Variants in CD44 observed in about 807,000 individuals in gnomAD.
The protein encoded by CD44 is CD44 antigen.
A neutral mutation model predicts 88.8 loss-of-function variants in CD44; 49 were observed. The observed-to-expected ratio is 0.55, with a 90% CI of 0.44 to 0.70. CD44 has a LOEUF of 0.70. Among genes scored for constraint, CD44 ranks in the 30% least tolerant of loss-of-function variants. The pLI, the probability that CD44 is intolerant of heterozygous loss-of-function variation, is 0.00. For synonymous variants in CD44, 325 were observed against 312.3 expected, an observed-to-expected ratio of 1.04 and a Z score of -0.43; for missense variants, 883 against 913.8, an observed-to-expected ratio of 0.97 and a Z score of 0.43.
intron 16 of CD44, among the ~76,000 whole-genome samples, chr11:35,219,668 G>A (rs922989943): frequency 6.6e-6 from 1 of 152,202 alleles, no homozygotes; most frequent in Non-Finnish European, 1.5e-5. Context: ...AGTTACTAAA[G>A]CTTCCTTCCT....
intron 16 of CD44, among the ~76,000 whole-genome samples, chr11:35,219,641 C>T (rs1949125097): frequency 6.6e-6 from 1 of 152,202 alleles, no homozygotes; most frequent in Admixed American, 6.5e-5. Context: ...TGGCCTGTCC[C>T]AGAGAAGTGC....
intron 13 of CD44, among the ~76,000 whole-genome samples, chr11:35,211,031 A>G (rs982104090): frequency 1.3e-5 from 2 of 152,236 alleles, no homozygotes; most frequent in Non-Finnish European, 2.9e-5. Context: ...CTGGGTATTA[A>G]GATCACCAAA....
At chr11:35,156,972 T>A (rs904392903) in intron 1 of CD44, among the ~76,000 whole-genome samples, 5 of 152,142 alleles carry the variant, frequency 3.3e-5, no homozygotes, top group Admixed American at 1.3e-4. Context: ...AGTTTGAGGT[T>A]ACACTGAGCT....
chr11:35,143,269 T>TA (rs911969589), intron 1 of CD44, among the ~76,000 whole-genome samples: 107 of 151,850 alleles, frequency 7.0e-4, no homozygotes, highest in Non-Finnish European at 1.4e-3. Context: ...ACCAAAGTTT[T>TA]AAAAACCTGA....
intron 5 of CD44, among the ~76,000 whole-genome samples, chr11:35,193,595 C>T (rs189342804): frequency 4.5e-4 from 69 of 152,280 alleles, no homozygotes; most frequent in Non-Finnish European, 9.3e-4. Context: ...TTTAAAGTGG[C>T]TTTTTAAAAT....
At chr11:35,177,467 G>C (rs182095076) in intron 2 of CD44, among the ~76,000 whole-genome samples, 18 of 152,334 alleles carry the variant, frequency 1.2e-4, no homozygotes, top group African/African-American at 4.3e-4. Context: ...GTTGTGGTTC[G>C]ATTTGTTTTC....
intron 1 of CD44, among the ~76,000 whole-genome samples, chr11:35,168,399 G>A (rs1943535071): frequency 6.6e-6 from 1 of 152,174 alleles, no homozygotes; most frequent in Admixed American, 6.5e-5. Flanking sequence ...GTAAAATGGG[G>A]ATAATAAAAA....
intron 14 of CD44, among the ~76,000 whole-genome samples, chr11:35,213,247 T>C (rs1948551667): frequency 6.6e-6 from 1 of 152,236 alleles, no homozygotes; most frequent in Non-Finnish European, 1.5e-5. Flanking sequence ...TCTTTCTGAT[T>C]TCCACAGTGG....
rs1330114102 is a variant in CD44, at chr11:35,201,104, T to C, written c.945T>C (p.Phe315=). 3.1e-6 allele frequency: 5 copies of C among 1,613,934 alleles called. No individual in the cohort carries two copies. The highest frequency in any genetic ancestry group is 3.3e-5 in the Admixed American group (2 of 60,004). The change falls in exon 8 of 18, where the codon TTT becomes TTC. Residue 315 remains phenylalanine (F), a synonymous_variant. Transcript: ENST00000428726. ...CAGTTTCAACCACACCACGGGCTTT[T>C]GACCACACAAAACAGAACCAGGACT... is the stretch of plus-strand genomic sequence containing the variant. ...SSTISTTPRA[F]DHTKQNQDWT... is the part of the protein sequence containing the mutation.
chr11:35,208,273 G>T, intron 12 of CD44, 67 bp downstream of exon 12: 1 of 1,077,934 alleles, frequency 9.3e-7, no homozygotes, highest in Non-Finnish European at 1.4e-6. Context: ...CTCGCTATTG[G>T]CCAAGATGCA....
intron 5 of CD44, among the ~76,000 whole-genome samples, chr11:35,192,673 C>G (rs760833552): frequency 2.0e-5 from 3 of 152,062 alleles, no homozygotes; most frequent in Non-Finnish European, 2.9e-5. Flanking sequence ...TCATCAGCCT[C>G]TTCCTATTGG....
At chr11:35,162,101 C>A (rs1044709097) in intron 1 of CD44, among the ~76,000 whole-genome samples, 1 of 152,108 alleles carries the variant, frequency 6.6e-6, no homozygotes, top group Non-Finnish European at 1.5e-5. Context: ...GGGCACAGAT[C>A]GTGTCTGACT....
At chr11:35,221,788 C>G in intron 17 of CD44, 56 bp downstream of exon 17, 4 of 1,435,976 alleles carry the variant, frequency 2.8e-6, no homozygotes, top group Non-Finnish European at 3.9e-6. Flanking sequence ...TAAACCTGGG[C>G]TTTATATCCT....
intron 10 of CD44, 39 bp downstream of exon 10, chr11:35,204,679 T>C: frequency 6.3e-7 from 1 of 1,598,202 alleles, no homozygotes; most frequent in South Asian, 1.1e-5. Context: ...GATGGAAACT[T>C]CCTTTTGGGT....
At chr11:35,161,471 A>G (rs541734618) in intron 1 of CD44, among the ~76,000 whole-genome samples, 1 of 152,292 alleles carries the variant, frequency 6.6e-6, no homozygotes, top group Admixed American at 6.5e-5. Context: ...GCAATTGTGA[A>G]GCAATGGATG....
intron 16 of CD44, among the ~76,000 whole-genome samples, chr11:35,219,886 G>A (rs539784761): frequency 2.0e-5 from 3 of 152,274 alleles, no homozygotes; most frequent in Non-Finnish European, 2.9e-5. Context: ...TCGAGGGACC[G>A]CCTGCTGATG....
chr11:35,204,938 C>G (rs1422510031), intron 10 of CD44: 6 of 275,560 alleles, frequency 2.2e-5, no homozygotes, highest in Non-Finnish European at 3.5e-5. Context: ...TAGCAGAGGC[C>G]CTGATAAAAT....
chr11:35,222,176 C>A (rs144933122), intron 17 of CD44, among the ~76,000 whole-genome samples: 47 of 152,288 alleles, frequency 3.1e-4, no homozygotes, highest in African/African-American at 1.1e-3. Flanking sequence ...ATTCACAATG[C>A]ACAAATATCG....
intron 12 of CD44, 84 bp from the exon 13 acceptor site, chr11:35,209,881 C>G (rs1302035776): frequency 9.5e-6 from 8 of 844,782 alleles, no homozygotes; most frequent in South Asian, 3.2e-5. Flanking sequence ...TGACTCTACT[C>G]TAGCTAGATT....
Sources: gnomAD v4.1 joint callset for allele counts (sites outside exome capture counted in the v4.1 genomes callset) on GRCh38, gnomAD v4.1.1 for gene constraint, MANE v1.5 for transcripts, NCBI Gene and HGNC (gene_info 2026-07-23, HGNC 2026-07-21) for gene names.